Variants in NEK6 observed in about 807,000 individuals in gnomAD.
The protein encoded by NEK6 is NIMA related kinase 6.
Under a neutral mutation model 43.5 loss-of-function variants are expected in NEK6, and 27 were observed. The observed-to-expected ratio is 0.62, with a 90% CI of 0.46 to 0.86. NEK6 has a LOEUF of 0.86. Among genes scored for constraint, NEK6 ranks in the 40% least tolerant of loss-of-function variants. The pLI, the probability that NEK6 is intolerant of heterozygous loss-of-function variation, is 0.00. For missense variants in NEK6, 318 were observed against 414.4 expected, an observed-to-expected ratio of 0.77 and a Z score of 2.02; for synonymous variants, 167 against 164.1, an observed-to-expected ratio of 1.02 and a Z score of -0.14.
At chr9:124,335,701 G>T (rs1339121503) in intron 7 of NEK6, among the ~76,000 whole-genome samples, 2 of 152,382 alleles carry the variant, frequency 1.3e-5, no homozygotes, top group Non-Finnish European at 2.9e-5. Context: ...GTACTGGGAT[G>T]CGGCAACAAA....
At chr9:124,281,138 G>C (rs1319628860) in intron 1 of NEK6, among the ~76,000 whole-genome samples, 1 of 152,194 alleles carries the variant, frequency 6.6e-6, no homozygotes, top group African/African-American at 2.4e-5. Flanking sequence ...TTCCTCACCA[G>C]CAGGCTGCCT....
At chr9:124,287,340 C>T (rs1229659347) in intron 1 of NEK6, among the ~76,000 whole-genome samples, 2 of 152,194 alleles carry the variant, frequency 1.3e-5, no homozygotes, top group Non-Finnish European at 2.9e-5. Context: ...GCCTGGAGCA[C>T]GACGTAGGCA....
intron 1 of NEK6, among the ~76,000 whole-genome samples, chr9:124,298,236 C>T (rs1832792092): frequency 1.3e-5 from 2 of 151,966 alleles, no homozygotes; most frequent in Admixed American, 6.6e-5. Context: ...GCCTCCCCAC[C>T]TCCTTCCCCT....
In NEK6 at chr9:124,313,856, G is replaced by A. The variant is rs368599195; in HGVS notation, c.232-67G>A. The A allele has an allele frequency of 6.5e-5, 100 of 1,547,968 alleles. No homozygotes were observed. In the African/African-American group the frequency reaches 7.9e-4, roughly 12 times the overall value. ...GAGCCGGGACTGGAAAGCAGACCCC[G>A]TGGCCTCCTTTGGGTCACTGGACAC... On this transcript the variant is annotated intron_variant, in intron 3 of 9. Transcript: ENST00000320246.
intron 1 of NEK6, among the ~76,000 whole-genome samples, chr9:124,289,221 A>G (rs1832303367): frequency 8.7e-6 from 1 of 114,988 alleles, no homozygotes; most frequent in South Asian, 3.4e-4. Flanking sequence ...ACACACACAC[A>G]CACACACACA....
chr9:124,321,355 A>G, intron 4 of NEK6, 104 bp from the exon 5 acceptor site: 1 of 684,568 alleles, frequency 1.5e-6, no homozygotes. Flanking sequence ...AGCAAATGCC[A>G]GGGCCTCAGT....
intron 4 of NEK6, among the ~76,000 whole-genome samples, chr9:124,319,699 C>G (rs768349929): frequency 1.3e-5 from 2 of 152,146 alleles, no homozygotes; most frequent in Non-Finnish European, 2.9e-5. Flanking sequence ...AGTAGGGAGT[C>G]CTTTCCCCAT....
chr9:124,268,900 TTAAA>T (rs1423564812), intron 1 of NEK6, among the ~76,000 whole-genome samples: 1 of 152,152 alleles, frequency 6.6e-6, no homozygotes, highest in African/African-American at 2.4e-5. Flanking sequence ...GACATGTTGT[TTAAA>T]TATTTATGGA....
At position 124,279,843 on chromosome 9, in the gene NEK6, G is replaced by T. The variant is rs554226154; in HGVS notation, c.-30+21758G>T. On this transcript the variant is annotated intron_variant, in intron 1 of 9. Transcript: ENST00000320246. The stretch of plus-strand genomic sequence containing the variant: ...CATGTCTGTTCACTCTCATGTCTGT[G>T]TCTACCTCCCAACCACGCAAAACCT... Among the ~76,000 whole-genome samples the T allele has an allele frequency of 1.6e-3, 239 of 152,366 alleles. 1 individual carries two copies. Among genetic ancestry groups the T allele is most frequent in the Admixed American group, 2.5e-3 (38 of 15,306 alleles).
intron 1 of NEK6, among the ~76,000 whole-genome samples, chr9:124,301,553 A>G (rs756756964): frequency 2.6e-5 from 4 of 151,984 alleles, no homozygotes; most frequent in Non-Finnish European, 5.9e-5. Context: ...GGGGGTGACA[A>G]TGGGGGATAG....
Position 124,258,077 on chromosome 9 carries a change from C to G in NEK6, c.-38C>G, listed in dbSNP as rs1237681781. 1.0e-6 allele frequency: 1 copy of G among 979,236 alleles called. No individual in the cohort carries two copies. The highest frequency in any genetic ancestry group is 1.2e-6 in the Non-Finnish European group (1 of 827,580). 60.7% of individuals were successfully genotyped at this position (979,236 alleles called of 1,614,324 possible). On this transcript the variant is annotated 5_prime_UTR_variant, in exon 1 of 10. Coordinates refer to ENST00000320246, the MANE Select transcript of NEK6 (RefSeq NM_014397.6). ...TCCCCCAGCGGCAGCCGAGCCCGCC[C>G]GCGCGCCGGTGAGTCGCCTGGGGCT...
Position 124,347,790 on chromosome 9 carries a change from C to A in NEK6, c.799C>A (p.Pro267Thr). The A allele has an allele frequency of 6.2e-7, 1 of 1,612,734 alleles. No individual in the cohort carries two copies. Among genetic ancestry groups the A allele is most frequent in the Non-Finnish European group, 8.5e-7 (1 of 1,179,138 alleles). The change falls in exon 9 of 10, where the codon CCC becomes ACC. Residue 267 changes from proline (P) to threonine (T), a missense_variant. Transcript: ENST00000320246. ...LCQKIEQCDY[P>T]PLPGEHYSEK... ...CCAGAAGATCGAGCAGTGTGACTAC[C>A]CCCCACTCCCCGGGGAGCACTACTC... is the stretch of plus-strand genomic sequence containing the variant.
At chr9:124,313,143 C>T (rs1018217139) in intron 3 of NEK6, among the ~76,000 whole-genome samples, 7 of 152,158 alleles carry the variant, frequency 4.6e-5, no homozygotes, top group African/African-American at 7.2e-5. Flanking sequence ...CCGCTGGGCC[C>T]GTCTGAACAC....
chr9:124,350,099 C>G (rs1290913353), intron 9 of NEK6, among the ~76,000 whole-genome samples: 3 of 152,182 alleles, frequency 2.0e-5, no homozygotes, highest in Admixed American at 6.5e-5. Context: ...TCAGGACCAC[C>G]CAGCTTCCTG....
chr9:124,296,542 C>T (rs941650079), intron 1 of NEK6, among the ~76,000 whole-genome samples: 1 of 151,726 alleles, frequency 6.6e-6, no homozygotes, highest in African/African-American at 2.4e-5. Context: ...TGCCTGTGCA[C>T]GTGCACACAC....
intron 4 of NEK6, among the ~76,000 whole-genome samples, 181 bp downstream of exon 4, chr9:124,314,166 G>A (rs1190962366): frequency 6.6e-6 from 1 of 152,166 alleles, no homozygotes; most frequent in Non-Finnish European, 1.5e-5. Flanking sequence ...AGGCAGGAGC[G>A]GCCCGCCTCA....
chr9:124,299,765 C>T (rs1345417385), intron 1 of NEK6, among the ~76,000 whole-genome samples: 1 of 152,116 alleles, frequency 6.6e-6, no homozygotes, highest in Non-Finnish European at 1.5e-5. Flanking sequence ...AAAAAGACAA[C>T]AAGAGACCTA....
In NEK6 at chr9:124,351,232, C is replaced by T. The variant is rs1830259087; in HGVS notation, c.*285C>T. 1 of 335,010 alleles carries T rather than the reference C, an allele frequency of 3.0e-6. No homozygotes were observed. Among genetic ancestry groups the T allele is most frequent in the Admixed American group, 4.5e-5 (1 of 22,004 alleles). 20.8% of individuals were successfully genotyped at this position (335,010 alleles called of 1,614,324 possible). A position where few individuals can be genotyped will look rare whatever the true frequency, so the allele number is the denominator to read the frequency against. ...CAGGTGGTTCAGCGAGCCACGGCAG[C>T]CCCCTGTATCTGGATTGTAATGTGA... On this transcript the variant is annotated 3_prime_UTR_variant, in exon 10 of 10. Coordinates refer to ENST00000320246, the MANE Select transcript of NEK6 (RefSeq NM_014397.6).
chr9:124,335,019 C>A (rs1044138188), intron 7 of NEK6, among the ~76,000 whole-genome samples: 4 of 152,198 alleles, frequency 2.6e-5, no homozygotes, highest in African/African-American at 9.6e-5. Context: ...AGACAGTGCA[C>A]AGTGGTGTCT....
Sources: gnomAD v4.1 joint callset for allele counts (sites outside exome capture counted in the v4.1 genomes callset) on GRCh38, gnomAD v4.1.1 for gene constraint, MANE v1.5 for transcripts, NCBI Gene and HGNC (gene_info 2026-07-23, HGNC 2026-07-21) for gene names.